The following PRKAR2A variants were observed in gnomAD, a reference collection of about 807,000 sequenced individuals.
PRKAR2A encodes protein kinase cAMP-dependent type II regulatory subunit alpha.
A neutral mutation model predicts 51.9 loss-of-function variants in PRKAR2A; 29 were observed. The ratio of observed to expected loss-of-function variants is 0.56; its 90% CI spans 0.42 to 0.76. The LOEUF (loss-of-function observed/expected upper bound fraction) is 0.76, where lower values mean the gene tolerates loss of function less well. Ranked by LOEUF, PRKAR2A falls within the 30% of genes least tolerant of loss-of-function variation. The pLI is 0.00. For synonymous variants in PRKAR2A, 178 were observed against 186.2 expected (o/e 0.96, Z 0.36); for missense variants, 445 against 512.1 (o/e 0.87, Z 1.26).
chr3:48,812,784 GA>G lies in PRKAR2A; in HGVS notation c.263-5101del, dbSNP rs546671045. On this transcript the variant is annotated intron_variant, in intron 1 of 10. Coordinates refer to ENST00000265563, the MANE Select transcript of PRKAR2A (RefSeq NM_004157.4). ...AGGCGTGAGCCACTGCGCCTGGCCAGAAAAAACTTTTACTACTTTATTTGAT... is the reference window on the plus strand; with the variant it reads ...AGGCGTGAGCCACTGCGCCTGGCCAGAAAAACTTTTACTACTTTATTTGAT... Among the ~76,000 whole-genome samples the G allele has an allele frequency of 3.1e-4, 47 of 152,186 alleles. No homozygotes were observed. In the East Asian group the frequency reaches 7.5e-3, roughly 24 times the overall value.
chr3:48,757,692 G>C (rs568488077), intron 8 of PRKAR2A, among the ~76,000 whole-genome samples: 8 of 152,318 alleles, frequency 5.3e-5, no homozygotes, highest in South Asian at 2.1e-4. Context: ...GGAGGCTGAG[G>C]GGGGTGGATT....
At chr3:48,790,396 A>T in intron 4 of PRKAR2A, 148 bp downstream of exon 4, 1 of 466,678 alleles carries the variant, frequency 2.1e-6, no homozygotes, top group Non-Finnish European at 3.7e-6. Context: ...AGTGGTCAAT[A>T]CAATGAAAAC....
chr3:48,789,677 G>A lies in PRKAR2A; in HGVS notation c.435+867C>T, dbSNP rs146258740. 7.5e-3 allele frequency among the ~76,000 whole-genome samples: 1,140 copies of A among 151,828 alleles called. 11 individuals carry two copies. Among genetic ancestry groups the A allele is most frequent in the African/African-American group, 0.026 (1,087 of 41,424 alleles). ...GGCTAATTTTTGTATTTTTAGTAGA[G>A]ACAGAATTTCACTGTTGGCCAGGCT... On this transcript the variant is annotated intron_variant, in intron 4 of 10. Coordinates refer to ENST00000265563, the MANE Select transcript of PRKAR2A (RefSeq NM_004157.4).
intron 8 of PRKAR2A, among the ~76,000 whole-genome samples, chr3:48,761,756 T>C (rs1393965099): frequency 3.9e-5 from 6 of 152,058 alleles, no homozygotes; most frequent in Admixed American, 2.0e-4. Flanking sequence ...GGGATTACAG[T>C]TGTGCACCAG....
At chr3:48,767,720 C>A (rs555820391) in intron 6 of PRKAR2A, among the ~76,000 whole-genome samples, 131 of 151,728 alleles carry the variant, frequency 8.6e-4, no homozygotes, top group Non-Finnish European at 1.3e-3. Context: ...GTCAGGAGAT[C>A]GAGACCATCC....
chr3:48,797,099 G>C (rs183840852), intron 2 of PRKAR2A, among the ~76,000 whole-genome samples: 136 of 152,080 alleles, frequency 8.9e-4, no homozygotes, highest in Non-Finnish European at 7.2e-4. Context: ...ATGGCTAAAA[G>C]ACTCCATGTA....
intron 6 of PRKAR2A, among the ~76,000 whole-genome samples, chr3:48,769,384 C>A (rs1345408249): frequency 6.6e-6 from 1 of 151,880 alleles, no homozygotes; most frequent in Non-Finnish European, 1.5e-5. Flanking sequence ...GTCTCAATCT[C>A]CTGACCTCAT....
intron 3 of PRKAR2A, among the ~76,000 whole-genome samples, chr3:48,790,888 C>T (rs1351681264): frequency 6.6e-6 from 1 of 151,966 alleles, no homozygotes; most frequent in Non-Finnish European, 1.5e-5. Context: ...TCAGGATCTT[C>T]ATCCATAAAG....
intron 5 of PRKAR2A, among the ~76,000 whole-genome samples, chr3:48,776,133 C>T (rs756279641): frequency 2.1e-4 from 32 of 151,786 alleles, no homozygotes; most frequent in Non-Finnish European, 3.7e-4. Flanking sequence ...AACAAACAAA[C>T]GATACAATTA....
At chr3:48,824,011 C>A (rs1364882251) in intron 1 of PRKAR2A, among the ~76,000 whole-genome samples, 2 of 152,104 alleles carry the variant, frequency 1.3e-5, no homozygotes, top group African/African-American at 4.8e-5. Flanking sequence ...GAGGCTAAGG[C>A]AGGTGGATCA....
chr3:48,758,514 T>C (rs1388655386), intron 8 of PRKAR2A, among the ~76,000 whole-genome samples: 3 of 132,608 alleles, frequency 2.3e-5, no homozygotes, highest in African/African-American at 8.7e-5. Context: ...ACCCAGGAGG[T>C]GGAGGTCGCA....
In PRKAR2A at chr3:48,847,462, G is replaced by A. The variant is rs1226599772; in HGVS notation, c.135C>T (p.Ala45=). 1.3e-6 allele frequency: 2 copies of A among 1,571,724 alleles called. No individual in the cohort carries two copies. The highest frequency in any genetic ancestry group is 1.7e-6 in the Non-Finnish European group (2 of 1,158,746). ...EYFTRLREAR[A]PASVLPAATP... is the part of the protein sequence containing the mutation. ...TGGCGGCGGGCAGGACTGAGGCTGG[G>A]GCGCGGGCCTCGCGCAGGCGGGTGA... is the stretch of plus-strand genomic sequence containing the variant. Residue 45 remains alanine (A), a synonymous_variant, in exon 1 of 11, where the codon GCC becomes GCT. Coordinates refer to ENST00000265563, the MANE Select transcript of PRKAR2A (RefSeq NM_004157.4). The surrounding 1 kb of genome is among the most constrained non-coding windows in gnomAD (Gnocchi z 4.4).
intron 6 of PRKAR2A, among the ~76,000 whole-genome samples, chr3:48,770,145 C>T (rs2082008373): frequency 6.6e-6 from 1 of 152,018 alleles, no homozygotes; most frequent in Non-Finnish European, 1.5e-5. Flanking sequence ...AAGGCCAGTT[C>T]CCATGGCTGT....
At chr3:48,800,693 C>T (rs1034436910) in intron 2 of PRKAR2A, among the ~76,000 whole-genome samples, 2 of 151,016 alleles carry the variant, frequency 1.3e-5, no homozygotes, top group Admixed American at 1.3e-4. Flanking sequence ...TTTTTTGAGA[C>T]GGAGTCTTGC....
chr3:48,819,767 G>C (rs964253877), intron 1 of PRKAR2A, among the ~76,000 whole-genome samples: 1 of 152,170 alleles, frequency 6.6e-6, no homozygotes, highest in Non-Finnish European at 1.5e-5. Flanking sequence ...GCTGACCAGA[G>C]TGGACATCTG....
rs149096447 is a variant in PRKAR2A, at chr3:48,777,451, G to A, written c.543-4343C>T. Among the ~76,000 whole-genome samples the A allele has an allele frequency of 7.5e-3, 1,140 of 152,254 alleles. 11 individuals carry two copies. The highest frequency in any genetic ancestry group is 0.027 in the African/African-American group (1,102 of 41,534). ...GTTGGAGTCTCGCCCTGTTGCCCAG[G>A]CTGGAGTGCAGTGGCATGATCTCGG... On this transcript the variant is annotated intron_variant, in intron 5 of 10. Coordinates refer to ENST00000265563, the MANE Select transcript of PRKAR2A (RefSeq NM_004157.4).
chr3:48,764,530 G>A (rs964817891), intron 8 of PRKAR2A, among the ~76,000 whole-genome samples: 5 of 152,134 alleles, frequency 3.3e-5, no homozygotes, highest in African/African-American at 1.2e-4. Context: ...TCAGTAAGAC[G>A]GACGTCAATA....
chr3:48,809,612 A>C lies in PRKAR2A; in HGVS notation c.263-1928T>G, dbSNP rs1258376909. ...CTCCATCTCAAAAAAAAAAAAAAAA[A>C]AAAAAAAAAAACTATATAGTTTAGT... On this transcript the variant is annotated intron_variant, in intron 1 of 10. Transcript: ENST00000265563. Among the ~76,000 whole-genome samples the C allele has an allele frequency of 1.2e-4, 18 of 150,988 alleles. No homozygotes were observed. In the South Asian group the frequency reaches 3.3e-3, roughly 28 times the overall value.
intron 6 of PRKAR2A, among the ~76,000 whole-genome samples, 168 bp downstream of exon 6, chr3:48,772,787 C>A (rs1034330555): frequency 2.2e-4 from 33 of 152,298 alleles, no homozygotes; most frequent in African/African-American, 7.2e-4. Context: ...ACTACACATG[C>A]CCACCACCAC....
Sources: gnomAD v4.1 joint callset for allele counts (sites outside exome capture counted in the v4.1 genomes callset) on GRCh38, gnomAD v4.1.1 for gene constraint, Gnocchi (gnomAD v3.1) non-coding constraint, MANE v1.5 for transcripts, NCBI Gene and HGNC (gene_info 2026-07-23, HGNC 2026-07-21) for gene names.